The following SIK3 variants were observed in gnomAD, a reference collection of about 807,000 sequenced individuals.
The protein encoded by SIK3 is serine/threonine-protein kinase SIK3.
A neutral mutation model predicts 144.2 loss-of-function variants in SIK3; 28 were observed. That is an observed-to-expected ratio of 0.19 (90% CI 0.14 to 0.27). The LOEUF is 0.27. Ranked by LOEUF, SIK3 falls within the 10% of genes least tolerant of loss-of-function variation. The pLI, the probability that SIK3 is intolerant of heterozygous loss-of-function variation, is 1.00. For synonymous variants in SIK3, 686 were observed against 676.3 expected (o/e 1.01, Z -0.22); for missense variants, 1,319 against 1,776.0 (o/e 0.74, Z 4.62).
At chr11:116,870,485 ACTTT>A (rs1943910856) in intron 13 of SIK3, 84 bp from the exon 14 acceptor site, 25 of 1,577,056 alleles carry the variant, frequency 1.6e-5, no homozygotes, top group Non-Finnish European at 2.2e-5. Context: ...TTGGGGCAGG[ACTTT>A]CTGTTAACTT....
At position 116,866,770 on chromosome 11, in the gene SIK3, G is replaced by GT. The variant is rs532049689; in HGVS notation, c.1952+1175dup. On this transcript the variant is annotated intron_variant, in intron 15 of 24. Coordinates refer to ENST00000445177, the MANE Select transcript of SIK3 (RefSeq NM_001366686.3). ...GTGCTCTTTAGTGTGTACGAACACTGTAAGTCCTGAGAGACTTTCATTAGA... is the reference window on the plus strand; with the variant it reads ...GTGCTCTTTAGTGTGTACGAACACTGTTAAGTCCTGAGAGACTTTCATTAGA... Among the ~76,000 whole-genome samples the GT allele has an allele frequency of 2.2e-3, 339 of 152,272 alleles. 3 individuals are homozygous for GT. The highest frequency in any genetic ancestry group is 7.6e-3 in the African/African-American group (316 of 41,548).
At chr11:116,853,967 C>T (rs1942667806) in intron 21 of SIK3, among the ~76,000 whole-genome samples, 1 of 152,234 alleles carries the variant, frequency 6.6e-6, no homozygotes. Flanking sequence ...CTGCTTAGTG[C>T]TCTCACAGTG....
chr11:116,848,338 C>T (rs1204326688), intron 22 of SIK3, among the ~76,000 whole-genome samples: 1 of 151,854 alleles, frequency 6.6e-6, no homozygotes, highest in African/African-American at 2.4e-5. Flanking sequence ...CAGAGCAAGA[C>T]TCTGTCTCAA....
At chr11:116,933,549 T>G (rs1227461191) in intron 3 of SIK3, among the ~76,000 whole-genome samples, 3 of 152,224 alleles carry the variant, frequency 2.0e-5, no homozygotes, top group Non-Finnish European at 4.4e-5. Flanking sequence ...TTCTTAGCTA[T>G]TACAAAGAAA....
chr11:117,025,612 T>C (rs190045862), intron 1 of SIK3, among the ~76,000 whole-genome samples: 101 of 152,160 alleles, frequency 6.6e-4, no homozygotes, highest in African/African-American at 2.2e-3. Context: ...GTGTTTTTGG[T>C]AGAAACAGAG....
intron 9 of SIK3, 35 bp downstream of exon 9, chr11:116,875,831 T>C: frequency 6.4e-7 from 1 of 1,571,858 alleles, no homozygotes; most frequent in Admixed American, 2.1e-5. Context: ...CTGGTGTTAC[T>C]TGTCCTGAAC....
chr11:117,002,816 T>A (rs902098568), intron 1 of SIK3, among the ~76,000 whole-genome samples: 7 of 152,214 alleles, frequency 4.6e-5, no homozygotes, highest in African/African-American at 1.7e-4. Flanking sequence ...TATGCAAGTA[T>A]CTGAATTAAT....
At chr11:116,938,033 C>T (rs1307825838) in intron 3 of SIK3, among the ~76,000 whole-genome samples, 1 of 151,716 alleles carries the variant, frequency 6.6e-6, no homozygotes, top group Non-Finnish European at 1.5e-5. Context: ...GGTGAAACCC[C>T]GTCTCAACTA....
At chr11:117,078,908 T>G (rs1320583973) in intron 1 of SIK3, among the ~76,000 whole-genome samples, 1 of 152,050 alleles carries the variant, frequency 6.6e-6, no homozygotes, top group Non-Finnish European at 1.5e-5. Context: ...AAATGTTGCT[T>G]TTCTAGAAAT....
chr11:116,938,516 T>G (rs1411532748), intron 3 of SIK3, among the ~76,000 whole-genome samples: 61 of 28,940 alleles, frequency 2.1e-3, no homozygotes, highest in Non-Finnish European at 2.8e-3. Flanking sequence ...AAAAGGAAAA[T>G]GAAAAGAAGG....
intron 4 of SIK3, chr11:116,904,612 T>C (rs938755448): frequency 6.6e-6 from 1 of 152,244 alleles, no homozygotes; most frequent in African/African-American, 2.4e-5. Flanking sequence ...CAATTGTTTT[T>C]TCCCTACAGC....
intron 1 of SIK3, among the ~76,000 whole-genome samples, chr11:116,982,347 G>A (rs1950170318): frequency 1.3e-5 from 2 of 150,956 alleles, no homozygotes; most frequent in South Asian, 2.1e-4. Flanking sequence ...GGAGTGCAGT[G>A]GGGCAATCTC....
At chr11:117,067,559 C>T (rs570400888) in intron 1 of SIK3, among the ~76,000 whole-genome samples, 36 of 152,166 alleles carry the variant, frequency 2.4e-4, no homozygotes, top group South Asian at 8.3e-4. Flanking sequence ...TAACTTTCTG[C>T]GAGACTGAAT....
chr11:117,012,883 G>A (rs532650073), intron 1 of SIK3, among the ~76,000 whole-genome samples: 9 of 112,300 alleles, frequency 8.0e-5, no homozygotes, highest in East Asian at 5.2e-4. Flanking sequence ...ACAGAGTCTC[G>A]CTCTGTTGCC....
intron 4 of SIK3, among the ~76,000 whole-genome samples, chr11:116,913,601 T>A (rs1273393508): frequency 6.6e-6 from 1 of 152,182 alleles, no homozygotes. Flanking sequence ...CTACAACACA[T>A]GCAAACAGTA....
chr11:116,999,601 TTTTTG>T (rs1275534899), intron 1 of SIK3, among the ~76,000 whole-genome samples: 1 of 152,126 alleles, frequency 6.6e-6, no homozygotes, highest in East Asian at 1.9e-4. Flanking sequence ...TTTCTTTTCT[TTTTTG>T]TTTTTTCAGT....
chr11:116,858,585 C>A lies in SIK3; in HGVS notation c.2880G>T (p.Val960=). Residue 960 remains valine (V), a synonymous_variant, in exon 21 of 25, where the codon GTG becomes GTT. Coordinates refer to ENST00000445177, the MANE Select transcript of SIK3 (RefSeq NM_001366686.3). The surrounding 1 kb of genome is among the most constrained non-coding windows in gnomAD (Gnocchi z 5.4). The part of the protein sequence containing the change: ...SPSSYSPSTG[V]GFSPTQALKV... The stretch of plus-strand genomic sequence containing the variant: ...TCAGGGCTTGGGTTGGAGAGAACCC[C>A]ACTCCTGTTGAAGGGCTGTAGCTGC... 6.2e-7 allele frequency: 1 copy of A among 1,613,670 alleles called. No individual in the cohort carries two copies. Among genetic ancestry groups the A allele is most frequent in the South Asian group, 1.1e-5 (1 of 90,952 alleles).
At chr11:116,961,352 T>G (rs1949341916) in intron 1 of SIK3, among the ~76,000 whole-genome samples, 1 of 151,942 alleles carries the variant, frequency 6.6e-6, no homozygotes, top group Non-Finnish European at 1.5e-5. Flanking sequence ...AAAAATAAAG[T>G]TGGAACAGAG....
rs567485687 is a variant in SIK3 at position 116,957,449 on chromosome 11, A to C, written c.274-385T>G. Among the ~76,000 whole-genome samples the C allele has an allele frequency of 2.6e-5, 4 of 152,342 alleles. No homozygotes were observed. The South Asian group carries it at 8.3e-4, about 32-fold the overall frequency. On this transcript the variant is annotated intron_variant, in intron 1 of 24. Transcript: ENST00000445177. Reference sequence around the variant, plus strand: ...GCTTTAAATAAAATAAAAAATTTTTAAAAAGGCAAGAAGCTTGTATCATAA... The same window carrying C: ...GCTTTAAATAAAATAAAAAATTTTTCAAAAGGCAAGAAGCTTGTATCATAA...
Sources: gnomAD v4.1 joint callset for allele counts (sites outside exome capture counted in the v4.1 genomes callset) on GRCh38, gnomAD v4.1.1 for gene constraint, Gnocchi (gnomAD v3.1) non-coding constraint, MANE v1.5 for transcripts, NCBI Gene and HGNC (gene_info 2026-07-23, HGNC 2026-07-21) for gene names.